The following CEP63 variants were observed in gnomAD, a reference collection of about 807,000 sequenced individuals.
CEP63 encodes the protein centrosomal protein 63.
Under a neutral mutation model 89.1 loss-of-function variants are expected in CEP63, and 84 were observed. The observed-to-expected ratio is 0.94, with a 90% confidence interval of 0.79 to 1.13. CEP63 has a LOEUF of 1.13. CEP63 is among the 50% of genes most tolerant of loss of function. The pLI is 0.00. For synonymous variants in CEP63, 267 were observed against 272.5 expected, an observed-to-expected ratio of 0.98 and a Z score of 0.20; for missense variants, 838 against 813.3, an observed-to-expected ratio of 1.03 and a Z score of -0.37.
chr3:134,547,246 C>T, intron 8 of CEP63, 89 bp from the exon 9 acceptor site: 1 of 1,301,186 alleles, frequency 7.7e-7, no homozygotes, highest in Non-Finnish European at 1.1e-6. Context: ...AAGAGGTTAC[C>T]AAAAATGATG....
At chr3:134,604,537 G>T in the CEP63 span, 2 of 1,394,590 alleles carry the variant, frequency 1.4e-6, no homozygotes, top group Non-Finnish European at 9.8e-7. Context: ...GCTGGTAAAT[G>T]TTTAACAACT....
chr3:134,767,576 C>T, the CEP63 span, among the ~76,000 whole-genome samples: 2 of 152,118 alleles, frequency 1.3e-5, no homozygotes, highest in East Asian at 1.9e-4. Flanking sequence ...ATAGCTGTTT[C>T]GCAAGGAGCC....
chr3:134,758,914 G>A, the CEP63 span, among the ~76,000 whole-genome samples: 1 of 152,186 alleles, frequency 6.6e-6, no homozygotes, highest in Non-Finnish European at 1.5e-5. Context: ...GTTAATTATT[G>A]TGAGATGGTG....
At chr3:134,582,725 C>T (rs569980343) in intron 10 of CEP63, among the ~76,000 whole-genome samples, 3 of 152,290 alleles carry the variant, frequency 2.0e-5, no homozygotes, top group Admixed American at 6.5e-5. Flanking sequence ...AATGGTATTT[C>T]TAGTTCTAGA....
At chr3:134,573,762 G>C (rs950213206) in intron 11 of CEP63, among the ~76,000 whole-genome samples, 1 of 152,056 alleles carries the variant, frequency 6.6e-6, no homozygotes, top group African/African-American at 2.4e-5. Flanking sequence ...CTTTAAATGG[G>C]CTGAGATAAT....
chr3:134,733,651 G>A, the CEP63 span, among the ~76,000 whole-genome samples: 1 of 152,120 alleles, frequency 6.6e-6, no homozygotes, highest in Non-Finnish European at 1.5e-5. Flanking sequence ...GCCAGTGGAG[G>A]CAGAGACTGA....
the CEP63 span, among the ~76,000 whole-genome samples, chr3:134,665,652 GACAC>G: frequency 0.059 from 5,598 of 95,628 alleles, 213 homozygotes; most frequent in Middle Eastern, 0.087. Flanking sequence ...GGAAACAGAG[GACAC>G]ACACACACAC....
chr3:134,584,608 T>G (rs181810941), intron 10 of CEP63, among the ~76,000 whole-genome samples: 6 of 152,308 alleles, frequency 3.9e-5, no homozygotes, highest in Admixed American at 3.9e-4. Flanking sequence ...TTTGCACCAG[T>G]GTTTATCAGG....
At chr3:134,691,112 T>C in the CEP63 span, among the ~76,000 whole-genome samples, 1 of 152,186 alleles carries the variant, frequency 6.6e-6, no homozygotes, top group Non-Finnish European at 1.5e-5. Context: ...TCCAGCACTT[T>C]GGGAAGCTGA....
At chr3:134,506,847 C>T (rs921284215) in intron 2 of CEP63, among the ~76,000 whole-genome samples, 5 of 139,342 alleles carry the variant, frequency 3.6e-5, no homozygotes, top group South Asian at 2.3e-4. Flanking sequence ...GAACCCGAGA[C>T]GTGGAGGTTG....
chr3:134,586,568 G>A (rs990617702), intron 10 of CEP63, among the ~76,000 whole-genome samples: 1 of 152,208 alleles, frequency 6.6e-6, no homozygotes, highest in Admixed American at 6.5e-5. Flanking sequence ...TCTGCTGTTA[G>A]TCTGATGGGC....
the CEP63 span, among the ~76,000 whole-genome samples, chr3:134,782,316 T>C: frequency 6.6e-6 from 1 of 152,202 alleles, no homozygotes; most frequent in African/African-American, 2.4e-5. Context: ...ATGTTGTTTC[T>C]TTTTTTGGTG....
At chr3:134,522,708 C>T (rs1007684435) in intron 3 of CEP63, among the ~76,000 whole-genome samples, 10 of 151,994 alleles carry the variant, frequency 6.6e-5, no homozygotes, top group Admixed American at 4.6e-4. Context: ...TGAGAATATG[C>T]GGTATTTGGT....
intron 1 of CEP63, among the ~76,000 whole-genome samples, chr3:134,489,560 T>G (rs1334078932): frequency 1.3e-5 from 2 of 152,168 alleles, no homozygotes; most frequent in Non-Finnish European, 2.9e-5. Context: ...CACTTAGTGG[T>G]GAAGTCCTTT....
At chr3:134,608,367 G>T in the CEP63 span, 1 of 1,363,400 alleles carries the variant, frequency 7.3e-7, no homozygotes, top group Non-Finnish European at 9.6e-7. Flanking sequence ...TCAAGTTCTA[G>T]GAAACCTGCA....
chr3:134,701,323 TACATATAC>T, the CEP63 span, among the ~76,000 whole-genome samples: 1 of 64,632 alleles, frequency 1.5e-5, no homozygotes, highest in Non-Finnish European at 3.9e-5. Context: ...TGTGTATATA[TACATATAC>T]ACACACATAT....
chr3:134,589,599 A>AAAAAC (rs1958558722), downstream of CEP63, among the ~76,000 whole-genome samples: 1 of 151,374 alleles, frequency 6.6e-6, no homozygotes, highest in African/African-American at 2.4e-5. Flanking sequence ...CAAAAAAAAA[A>AAAAAC]CATATTGGCA....
the CEP63 span, among the ~76,000 whole-genome samples, chr3:134,777,077 G>A: frequency 6.6e-6 from 1 of 152,206 alleles, no homozygotes; most frequent in African/African-American, 2.4e-5. Flanking sequence ...AAGGAAAGAA[G>A]TGACAAACAC....
the CEP63 span, among the ~76,000 whole-genome samples, chr3:134,749,618 G>T: frequency 7.1e-6 from 1 of 139,990 alleles, no homozygotes; most frequent in Non-Finnish European, 1.5e-5. Flanking sequence ...GCAACCGGGA[G>T]AGCTGTACAG....
Sources: allele counts gnomAD v4.1 joint callset (sites outside exome capture counted in the v4.1 genomes callset), GRCh38; gene constraint gnomAD v4.1.1; transcripts MANE v1.5; gene names NCBI Gene and HGNC (gene_info 2026-07-23, HGNC 2026-07-21).